Variants in GRID2 observed in about 807,000 individuals in gnomAD.
GRID2 encodes the protein glutamate receptor ionotropic, delta-2.
In GRID2, 33 loss-of-function variants were observed where a neutral mutation model predicts 114.8. The ratio of observed to expected loss-of-function variants is 0.29; its 90% CI spans 0.22 to 0.38. The LOEUF (loss-of-function observed/expected upper bound fraction) is 0.38. GRID2 is among the 10% of genes least tolerant of loss of function. The pLI is 1.00. For synonymous variants in GRID2, 505 were observed against 449.9 expected, an observed-to-expected ratio of 1.12 and a Z score of -1.55; for missense variants, 1,184 against 1,257.7, an observed-to-expected ratio of 0.94 and a Z score of 0.89.
At chr4:92,794,571 T>A (rs1578200420) in intron 2 of GRID2, among the ~76,000 whole-genome samples, 1 of 151,912 alleles carries the variant, frequency 6.6e-6, no homozygotes, top group South Asian at 2.1e-4. Flanking sequence ...GTGAAACTAA[T>A]TGACTCCAAA....
At chr4:93,021,731 TTATGAATATTATAATTATTTATAA>T (rs1158748538) in intron 2 of GRID2, among the ~76,000 whole-genome samples, 1 of 145,612 alleles carries the variant, frequency 6.9e-6, no homozygotes, top group Non-Finnish European at 1.5e-5. Flanking sequence ...AATATGTATA[TTATGAATATTATAATTATTTATAA>T]TATGAATATT....
At chr4:93,262,009 G>C (rs1305743070) in intron 8 of GRID2, among the ~76,000 whole-genome samples, 1 of 151,524 alleles carries the variant, frequency 6.6e-6, no homozygotes, top group Admixed American at 6.6e-5. Context: ...TATCCGTCCA[G>C]CTTCTGGCTT....
At chr4:92,749,505 G>A (rs186971168) in intron 2 of GRID2, among the ~76,000 whole-genome samples, 6 of 151,598 alleles carry the variant, frequency 4.0e-5, no homozygotes, top group East Asian at 3.9e-4. Context: ...AGTAGAGACC[G>A]GGTTTCACTA....
chr4:93,297,141 T>A (rs918032892), intron 8 of GRID2, among the ~76,000 whole-genome samples: 6 of 152,194 alleles, frequency 3.9e-5, no homozygotes, highest in African/African-American at 1.4e-4. Context: ...TTTTGTCCTG[T>A]AATCCATGAC....
intron 1 of GRID2, among the ~76,000 whole-genome samples, chr4:92,434,271 T>C (rs1732622135): frequency 6.6e-6 from 1 of 152,078 alleles, no homozygotes; most frequent in Non-Finnish European, 1.5e-5. Flanking sequence ...CAGCAAAAGA[T>C]GGTCCAGCCA....
intron 1 of GRID2, among the ~76,000 whole-genome samples, chr4:92,327,020 T>A (rs1726633431): frequency 6.6e-6 from 1 of 151,954 alleles, no homozygotes; most frequent in African/African-American, 2.4e-5. Context: ...TTCTACTACA[T>A]TGCCACATTG....
intron 1 of GRID2, among the ~76,000 whole-genome samples, chr4:93,801,607 G>A (rs747919267): frequency 3.3e-5 from 5 of 151,920 alleles, no homozygotes; most frequent in Admixed American, 6.6e-5. Flanking sequence ...TGTAAATAGC[G>A]CCTTCTAACA....
At chr4:92,433,716 T>C (rs1290990027) in intron 1 of GRID2, among the ~76,000 whole-genome samples, 2 of 152,200 alleles carry the variant, frequency 1.3e-5, no homozygotes, top group African/African-American at 2.4e-5. Flanking sequence ...TTTTGTATCT[T>C]ATGGAGGTGC....
intron 2 of GRID2, among the ~76,000 whole-genome samples, chr4:92,609,661 TTC>T (rs921558283): frequency 2.7e-5 from 4 of 150,896 alleles, no homozygotes; most frequent in African/African-American, 9.7e-5. Flanking sequence ...ACTATAATTT[TTC>T]TTTCTTCTCG....
intron 3 of GRID2, among the ~76,000 whole-genome samples, chr4:93,095,503 GGAA>G (rs553276434): frequency 9.7e-4 from 147 of 152,090 alleles, no homozygotes; most frequent in Middle Eastern, 6.8e-3. Flanking sequence ...AATTTGAAAA[GGAA>G]GAAGCAAATA....
intron 3 of GRID2, among the ~76,000 whole-genome samples, chr4:93,089,624 T>G (rs2149327431): frequency 6.6e-6 from 1 of 152,250 alleles, no homozygotes; most frequent in South Asian, 2.1e-4. Flanking sequence ...GCAAATAGAA[T>G]ACCAAATTTG....
intron 11 of GRID2, among the ~76,000 whole-genome samples, chr4:93,478,781 CT>C (rs1257347758): frequency 6.6e-6 from 1 of 151,952 alleles, no homozygotes; most frequent in Non-Finnish European, 1.5e-5. Context: ...GAAGGAACTG[CT>C]ATTTATAAGC....
At chr4:92,581,189 C>A (rs7691365) in intron 1 of GRID2, among the ~76,000 whole-genome samples, 3 of 150,008 alleles carry the variant, frequency 2.0e-5, no homozygotes, top group Admixed American at 6.7e-5. Flanking sequence ...ACTGTCCAGT[C>A]CCCCCACCCT....
chr4:92,839,346 C>T (rs1157223914), intron 2 of GRID2, among the ~76,000 whole-genome samples: 1 of 150,906 alleles, frequency 6.6e-6, no homozygotes, highest in Non-Finnish European at 1.5e-5. Flanking sequence ...TATACATGTG[C>T]CATGTTGGTG....
chr4:92,535,772 G>A (rs528380823), intron 1 of GRID2, among the ~76,000 whole-genome samples: 4 of 152,274 alleles, frequency 2.6e-5, no homozygotes, highest in South Asian at 2.1e-4. Flanking sequence ...GCCACGGACC[G>A]TCGTGGTGAG....
rs72665229 is a variant in GRID2 at position 92,990,495 on chromosome 4, A to G, written c.245-94500A>G. ...CTACTAATTTTTGTATTTTTAGTAGAGACGGTGCGGGGATTCATCACGTTA... is the reference window on the plus strand; with the variant it reads ...CTACTAATTTTTGTATTTTTAGTAGGGACGGTGCGGGGATTCATCACGTTA... On this transcript the variant is annotated intron_variant, in intron 2 of 15. Transcript: ENST00000282020. 6.4e-3 allele frequency among the ~76,000 whole-genome samples: 967 copies of G among 151,832 alleles called. 4 individuals are homozygous for G. Among genetic ancestry groups the G allele is most frequent in the Middle Eastern group, 0.02 (6 of 294 alleles).
intron 1 of GRID2, among the ~76,000 whole-genome samples, chr4:92,500,707 C>T (rs1399198307): frequency 2.6e-5 from 4 of 152,052 alleles, no homozygotes; most frequent in Non-Finnish European, 5.9e-5. Flanking sequence ...AATCTTTGTC[C>T]GCCAGAAGCC....
chr4:92,981,077 A>G lies in GRID2; in HGVS notation c.245-103918A>G, dbSNP rs149102281. ...TCATTTCTGTCTCATTTCAATGTTG[A>G]TAATTTGCTCATTACCCATGCCTCA... is the stretch of plus-strand genomic sequence containing the variant. On this transcript the variant is annotated intron_variant, in intron 2 of 15. Coordinates refer to ENST00000282020, the MANE Select transcript of GRID2 (RefSeq NM_001510.4). Among the ~76,000 whole-genome samples, 27 of 152,206 alleles carry G rather than the reference A, an allele frequency of 1.8e-4. 1 individual carries two copies. In the East Asian group the frequency reaches 4.4e-3, roughly 25 times the overall value.
At position 93,463,938 on chromosome 4, in the gene GRID2, G is replaced by A. The variant is rs563266265; in HGVS notation, c.1858+7964G>A. On this transcript the variant is annotated intron_variant, in intron 11 of 15. Transcript: ENST00000282020. ...TGGGAGGTGGAGCTTGCAGTGAGCC[G>A]AGATTGTGCCACTGCACTCCAGCCT... 4.9e-3 allele frequency among the ~76,000 whole-genome samples: 752 copies of A among 152,046 alleles called. 9 individuals carry two copies. Among genetic ancestry groups the A allele is most frequent in the African/African-American group, 0.017 (702 of 41,486 alleles).
Sources: gnomAD v4.1 joint callset for allele counts (sites outside exome capture counted in the v4.1 genomes callset) on GRCh38, gnomAD v4.1.1 for gene constraint, MANE v1.5 for transcripts, NCBI Gene and HGNC (gene_info 2026-07-23, HGNC 2026-07-21) for gene names.